Variants in L3MBTL4 observed in about 807,000 individuals in gnomAD.
The protein encoded by L3MBTL4 is lethal(3)malignant brain tumor-like protein 4.
L3MBTL4 carries 70 observed loss-of-function variants against 84.5 expected under a neutral mutation model. The observed-to-expected ratio is 0.83, with a 90% CI of 0.68 to 1.01. L3MBTL4 has a LOEUF of 1.01. Among genes scored for constraint, L3MBTL4 ranks in the 50% least tolerant of loss-of-function variants. The pLI, the probability that L3MBTL4 is intolerant of heterozygous loss-of-function variation, is 0.00. For missense variants in L3MBTL4, 715 were observed against 754.8 expected (o/e 0.95, Z 0.62); for synonymous variants, 274 against 259.8 (o/e 1.05, Z -0.52).
chr18:6,198,403 A>T (rs1000871065), intron 12 of L3MBTL4, among the ~76,000 whole-genome samples: 1 of 152,126 alleles, frequency 6.6e-6, no homozygotes, highest in Non-Finnish European at 1.5e-5. Context: ...AATATACTTC[A>T]TTTATCCTAA....
chr18:6,029,486 A>G, intron 16 of L3MBTL4: 2 of 978,030 alleles, frequency 2.0e-6, no homozygotes, highest in South Asian at 9.5e-5. Flanking sequence ...AATGTAATAC[A>G]CAGAAATATA....
intron 1 of L3MBTL4, among the ~76,000 whole-genome samples, chr18:6,355,165 T>C (rs942822297): frequency 6.6e-6 from 1 of 152,182 alleles, no homozygotes; most frequent in East Asian, 1.9e-4. Context: ...ACTATGCTTT[T>C]TTATGTTTTT....
At chr18:6,100,956 T>G (rs1301212657) in intron 14 of L3MBTL4, among the ~76,000 whole-genome samples, 1 of 152,210 alleles carries the variant, frequency 6.6e-6, no homozygotes, top group Non-Finnish European at 1.5e-5. Context: ...CCAGCATGGA[T>G]GAAAGCCCCA....
intron 1 of L3MBTL4, among the ~76,000 whole-genome samples, chr18:6,371,734 G>C (rs1272356811): frequency 6.6e-6 from 1 of 152,198 alleles, no homozygotes; most frequent in Admixed American, 6.5e-5. Context: ...CTGTGGTTAA[G>C]AAAATAGATG....
chr18:6,095,387 G>T (rs559817379), intron 14 of L3MBTL4, among the ~76,000 whole-genome samples: 1 of 135,216 alleles, frequency 7.4e-6, no homozygotes, highest in African/African-American at 3.0e-5. Flanking sequence ...TCGCTCCGTC[G>T]CCCAGGCTGG....
chr18:6,058,008 A>G (rs2057084839), intron 16 of L3MBTL4, among the ~76,000 whole-genome samples: 2 of 152,224 alleles, frequency 1.3e-5, no homozygotes, highest in African/African-American at 4.8e-5. Context: ...GTAATAATCA[A>G]CATGACTTAA....
chr18:6,349,534 C>A (rs1033295317), intron 1 of L3MBTL4, among the ~76,000 whole-genome samples: 1 of 151,942 alleles, frequency 6.6e-6, no homozygotes, highest in Non-Finnish European at 1.5e-5. Context: ...GAGACCAGCC[C>A]GAGCAACACA....
Position 5,955,027 on chromosome 18 carries a change from AC to A in L3MBTL4, c.*1192del, listed in dbSNP as rs1486628903. 1 of 151,980 alleles carries A rather than the reference AC, an allele frequency of 6.6e-6. No individual in the cohort carries two copies. Among genetic ancestry groups the A allele is most frequent in the Non-Finnish European group, 1.5e-5 (1 of 67,992 alleles). 9.4% of individuals were successfully genotyped at this position (151,980 alleles called of 1,614,324 possible). A position where few individuals can be genotyped will look rare whatever the true frequency, so the allele number is the denominator to read the frequency against. ...TCTTAATGAAGCAAGTGGACATAGA[AC>A]CTCTCCCTCTTTCTCCCCACCCACA... On this transcript the variant is annotated 3_prime_UTR_variant, in exon 19 of 19. Coordinates refer to ENST00000317931, the MANE Select transcript of L3MBTL4 (RefSeq NM_001330559.2).
intron 3 of L3MBTL4, among the ~76,000 whole-genome samples, chr18:6,311,114 A>G (rs1045054642): frequency 3.9e-5 from 6 of 151,954 alleles, no homozygotes; most frequent in African/African-American, 1.5e-4. Flanking sequence ...TCTTTTTAAG[A>G]TAAGTCTCTC....
intron 12 of L3MBTL4, among the ~76,000 whole-genome samples, chr18:6,211,607 T>C (rs2046105578): frequency 6.6e-6 from 1 of 152,154 alleles, no homozygotes. Flanking sequence ...CTAAGTCAGA[T>C]TTGATGTGCT....
chr18:6,391,017 G>C (rs1232970016), intron 1 of L3MBTL4, among the ~76,000 whole-genome samples: 1 of 151,620 alleles, frequency 6.6e-6, no homozygotes, highest in East Asian at 1.9e-4. Flanking sequence ...AACCAGGAAA[G>C]GACATAACAA....
At chr18:5,980,070 C>T (rs2053134293) in intron 16 of L3MBTL4, among the ~76,000 whole-genome samples, 1 of 152,238 alleles carries the variant, frequency 6.6e-6, no homozygotes, top group Non-Finnish European at 1.5e-5. Context: ...TGGCACAGAG[C>T]TCAGCACAGA....
At chr18:6,170,179 C>T (rs1432323784) in intron 13 of L3MBTL4, among the ~76,000 whole-genome samples, 2 of 152,162 alleles carry the variant, frequency 1.3e-5, no homozygotes, top group Non-Finnish European at 2.9e-5. Flanking sequence ...AGCATTCTGA[C>T]TCCAGTTTTC....
intron 14 of L3MBTL4, among the ~76,000 whole-genome samples, chr18:6,113,243 T>C (rs1598791309): frequency 6.6e-6 from 1 of 151,966 alleles, no homozygotes; most frequent in Non-Finnish European, 1.5e-5. Flanking sequence ...AGTCTTCATG[T>C]TTTGTAGGCA....
At chr18:6,190,128 A>T (rs1481504472) in intron 12 of L3MBTL4, among the ~76,000 whole-genome samples, 2 of 152,236 alleles carry the variant, frequency 1.3e-5, no homozygotes, top group Non-Finnish European at 2.9e-5. Context: ...AGATTGCCAG[A>T]CTAAATAAAA....
chr18:6,087,895 T>A (rs994284938), intron 15 of L3MBTL4, among the ~76,000 whole-genome samples: 3 of 152,150 alleles, frequency 2.0e-5, no homozygotes, highest in Non-Finnish European at 2.9e-5. Context: ...ACTCTAAATC[T>A]TATATAAGCC....
intron 16 of L3MBTL4, among the ~76,000 whole-genome samples, chr18:6,014,903 T>C (rs1465923941): frequency 6.6e-6 from 1 of 151,960 alleles, no homozygotes; most frequent in East Asian, 1.9e-4. Context: ...GCGGGAGGAC[T>C]GGCCCTTGTA....
At chr18:6,210,078 G>T (rs889782790) in intron 12 of L3MBTL4, among the ~76,000 whole-genome samples, 2 of 152,106 alleles carry the variant, frequency 1.3e-5, no homozygotes, top group Non-Finnish European at 2.9e-5. Context: ...AGTGGTGATG[G>T]TTGCACAACT....
At chr18:6,336,221 G>A (rs903743267) in intron 1 of L3MBTL4, among the ~76,000 whole-genome samples, 76 of 150,374 alleles carry the variant, frequency 5.1e-4, no homozygotes, top group Non-Finnish European at 5.9e-5. Flanking sequence ...AAAGAAATAA[G>A]AACTAGAAAG....
Sources: gnomAD v4.1 joint callset for allele counts (sites outside exome capture counted in the v4.1 genomes callset) on GRCh38, gnomAD v4.1.1 for gene constraint, MANE v1.5 for transcripts, NCBI Gene and HGNC (gene_info 2026-07-23, HGNC 2026-07-21) for gene names.